KCNS3: variants seen among roughly 807,000 people sequenced by gnomAD.
KCNS3 encodes the protein potassium voltage-gated channel modifier subfamily S member 3, also known as delayed-rectifier potassium channel regulatory subunit KCNS3.
In KCNS3, 13 loss-of-function variants were observed where a neutral mutation model predicts 31.0. That is an observed-to-expected ratio of 0.42 (90% CI 0.27 to 0.67). The LOEUF is 0.67. Among genes scored for constraint, KCNS3 ranks in the 30% least tolerant of loss-of-function variants. KCNS3 has a pLI of 0.25. For missense variants in KCNS3, 545 were observed against 622.4 expected (o/e 0.88, Z 1.32); for synonymous variants, 238 against 241.5 (o/e 0.99, Z 0.13).
At chr2:17,922,666 C>A (rs1662744667) in intron 2 of KCNS3, among the ~76,000 whole-genome samples, 1 of 151,928 alleles carries the variant, frequency 6.6e-6, no homozygotes, top group Non-Finnish European at 1.5e-5. Context: ...CATCTCCCCT[C>A]CCCCCAGCCC....
chr2:17,916,647 C>G (rs1425885850), intron 1 of KCNS3, among the ~76,000 whole-genome samples: 3 of 152,174 alleles, frequency 2.0e-5, no homozygotes, highest in African/African-American at 7.2e-5. Context: ...CATTCCCCCT[C>G]CATTGCCCCT....
chr2:17,892,461 C>T (rs4832511), intron 1 of KCNS3, among the ~76,000 whole-genome samples: 125,305 of 152,022 alleles, frequency 0.82, 51,956 homozygotes, highest in East Asian at 0.97. Flanking sequence ...TTGGTTTGGA[C>T]CCATTGCTGG....
At chr2:17,889,760 G>C (rs1661794101) in intron 1 of KCNS3, among the ~76,000 whole-genome samples, 2 of 152,184 alleles carry the variant, frequency 1.3e-5, no homozygotes, top group South Asian at 4.2e-4. Flanking sequence ...AACCATCCTG[G>C]CATCCCTGGT....
intron 1 of KCNS3, among the ~76,000 whole-genome samples, chr2:17,881,624 A>AC (rs1674645206): frequency 6.6e-6 from 1 of 152,254 alleles, no homozygotes; most frequent in Admixed American, 6.5e-5. Flanking sequence ...CAAACTGAGT[A>AC]ACTTGTACAA....
In KCNS3 at chr2:17,907,210, G is replaced by A. The variant is rs151270597; in HGVS notation, c.-251-10470G>A. Reference sequence around the variant, plus strand: ...GTTGAATTGATCCTTTTACCATTATGTAATGGCCTTCTTTGTCTCTTTTGA... The same window carrying A: ...GTTGAATTGATCCTTTTACCATTATATAATGGCCTTCTTTGTCTCTTTTGA... On this transcript the variant is annotated intron_variant, in intron 1 of 2. Coordinates refer to ENST00000304101, the MANE Select transcript of KCNS3 (RefSeq NM_002252.5). 8.8e-3 allele frequency among the ~76,000 whole-genome samples: 1,341 copies of A among 152,314 alleles called. 17 individuals are homozygous for A. Among genetic ancestry groups the A allele is most frequent in the Middle Eastern group, 0.014 (4 of 294 alleles).
chr2:17,930,868 C>A, intron 2 of KCNS3, 82 bp from the exon 3 acceptor site: 2 of 822,428 alleles, frequency 2.4e-6, no homozygotes, highest in Non-Finnish European at 1.9e-6. Context: ...TGTAGCCCAT[C>A]CTCCTGGAAA....
intron 1 of KCNS3, among the ~76,000 whole-genome samples, chr2:17,902,897 A>G (rs1558451788): frequency 2.0e-5 from 3 of 152,086 alleles, no homozygotes; most frequent in Admixed American, 6.5e-5. Flanking sequence ...ACTTTTTGGT[A>G]TTTGTTTTAT....
intron 2 of KCNS3, among the ~76,000 whole-genome samples, chr2:17,924,672 AAG>A (rs1662795656): frequency 1.1e-5 from 1 of 91,634 alleles, no homozygotes; most frequent in East Asian, 7.4e-4. Flanking sequence ...TTTACACGTT[AAG>A]TTAACCTTAA....
chr2:17,911,648 A>G (rs1662473627), intron 1 of KCNS3, among the ~76,000 whole-genome samples: 1 of 152,226 alleles, frequency 6.6e-6, no homozygotes, highest in African/African-American at 2.4e-5. Flanking sequence ...CATTTACTCT[A>G]AAAAGACATA....
At chr2:17,883,625 C>G (rs995055062) in intron 1 of KCNS3, among the ~76,000 whole-genome samples, 1 of 152,078 alleles carries the variant, frequency 6.6e-6, no homozygotes, top group Non-Finnish European at 1.5e-5. Context: ...AAAGATAATT[C>G]CAGGCTGAGG....
chr2:17,879,657 T>C (rs1261941201), intron 1 of KCNS3, among the ~76,000 whole-genome samples: 1 of 152,210 alleles, frequency 6.6e-6, no homozygotes, highest in Non-Finnish European at 1.5e-5. Flanking sequence ...CCTTTCGCAT[T>C]GCAGGGCTTG....
intron 1 of KCNS3, among the ~76,000 whole-genome samples, chr2:17,903,051 T>C (rs903824384): frequency 6.6e-6 from 1 of 152,236 alleles, no homozygotes; most frequent in African/African-American, 2.4e-5. Context: ...TTGTCTTCTG[T>C]GGTGACCACC....
At chr2:17,903,050 G>C (rs1662223650) in intron 1 of KCNS3, among the ~76,000 whole-genome samples, 1 of 152,208 alleles carries the variant, frequency 6.6e-6, no homozygotes, top group African/African-American at 2.4e-5. Flanking sequence ...CTTGTCTTCT[G>C]TGGTGACCAC....
intron 2 of KCNS3, among the ~76,000 whole-genome samples, chr2:17,922,345 C>G (rs1662737879): frequency 6.6e-6 from 1 of 151,804 alleles, no homozygotes; most frequent in Non-Finnish European, 1.5e-5. Context: ...TAGCTGGAAT[C>G]CCTATTTATT....
At chr2:17,884,925 C>T (rs1467000871) in intron 1 of KCNS3, among the ~76,000 whole-genome samples, 4 of 124,322 alleles carry the variant, frequency 3.2e-5, no homozygotes, top group Admixed American at 9.2e-5. Context: ...GCTTGTCCTT[C>T]CCTGTTGTTT....
chr2:17,903,469 T>C (rs1662235392), intron 1 of KCNS3, among the ~76,000 whole-genome samples: 1 of 152,162 alleles, frequency 6.6e-6, no homozygotes, highest in Non-Finnish European at 1.5e-5. Flanking sequence ...TTTTATTTTT[T>C]ATTATACTTT....
intron 1 of KCNS3, among the ~76,000 whole-genome samples, chr2:17,884,316 A>C (rs1211142833): frequency 1.5e-5 from 2 of 137,080 alleles, no homozygotes; most frequent in Non-Finnish European, 3.1e-5. Flanking sequence ...TAAAAAGAAG[A>C]GGGCTGGGGT....
chr2:17,932,662 G>T lies in KCNS3; in HGVS notation c.*178G>T. The T allele has an allele frequency of 1.6e-6, 1 of 637,742 alleles. No individual in the cohort carries two copies. The highest frequency in any genetic ancestry group is 2.6e-6 in the Non-Finnish European group (1 of 381,042). The allele number at this position is 637,742 out of a possible 1,614,324, so 39.5% of individuals were successfully genotyped here. A position where few individuals can be genotyped will look rare whatever the true frequency, so the allele number is the denominator to read the frequency against. ...AATTGTCTTTATTTTTCTCTGTGAG[G>T]TCAATTAAATGCCTTGTTCTGAAAT... On this transcript the variant is annotated 3_prime_UTR_variant, in exon 3 of 3. Coordinates refer to ENST00000304101, the MANE Select transcript of KCNS3 (RefSeq NM_002252.5).
At chr2:17,890,399 ATTT>A (rs55788100) in intron 1 of KCNS3, among the ~76,000 whole-genome samples, 1,550 of 148,882 alleles carry the variant, frequency 0.01, 20 homozygotes, top group African/African-American at 0.034. Context: ...TATCTTTTGT[ATTT>A]TTTTTTTTTT....
Sources: allele counts gnomAD v4.1 joint callset (sites outside exome capture counted in the v4.1 genomes callset), GRCh38; gene constraint gnomAD v4.1.1; transcripts MANE v1.5; gene names NCBI Gene and HGNC (gene_info 2026-07-23, HGNC 2026-07-21).